The following COPS5 variants were observed in gnomAD, a reference collection of about 807,000 sequenced individuals.
COPS5 encodes the protein COP9 signalosome complex subunit 5.
COPS5 carries 8 observed loss-of-function variants against 44.4 expected under a neutral mutation model. The observed-to-expected ratio is 0.18, with a 90% CI of 0.11 to 0.32. The LOEUF is 0.32. Among genes scored for constraint, COPS5 ranks in the 10% least tolerant of loss-of-function variants. The pLI is 1.00. For missense variants in COPS5, 159 were observed against 406.4 expected, an observed-to-expected ratio of 0.39 and a Z score of 5.23; for synonymous variants, 122 against 142.8, an observed-to-expected ratio of 0.85 and a Z score of 1.04.
At chr8:67,045,735 CTGAATACTACTATTGTTTGCAAATTT>C in intron 7 of COPS5, 51 bp downstream of exon 7, 1 of 1,419,374 alleles carries the variant, frequency 7.0e-7, no homozygotes, top group Non-Finnish European at 9.8e-7. Flanking sequence ...CATAAGGAAT[CTGAATACTACTATTGTTTGCAAATTT>C]TGAAAGAAAA....
In COPS5 at chr8:67,056,648, AAAAAATATATATATATATATATAT is replaced by A. The variant is rs1329115463; in HGVS notation, c.574-68_574-45del. On this transcript the variant is annotated intron_variant, in intron 4 of 7. Coordinates refer to ENST00000357849, the MANE Select transcript of COPS5 (RefSeq NM_006837.3). Reference sequence around the variant, plus strand: ...AACAGAAGATTAAGAAAAAAAAAAAAAAAAATATATATATATATATATATATATATATATATATATATATATATA... The same window carrying A: ...AACAGAAGATTAAGAAAAAAAAAAAAATATATATATATATATATATATATA... 22 of 88,816 alleles carry A rather than the reference AAAAAATATATATATATATATATAT, an allele frequency of 2.5e-4. 1 individual carries two copies. The highest frequency in any genetic ancestry group is 7.4e-4 in the South Asian group (2 of 2,702). 5.5% of individuals were successfully genotyped at this position (88,816 alleles called of 1,614,324 possible). A position where few individuals can be genotyped will look rare whatever the true frequency, so the allele number is the denominator to read the frequency against.
intron 5 of COPS5, among the ~76,000 whole-genome samples, chr8:67,054,822 C>T (rs1255565445): frequency 6.6e-6 from 1 of 152,116 alleles, no homozygotes; most frequent in Admixed American, 6.5e-5. Flanking sequence ...TTCTATGTGG[C>T]ATGCCCTGTT....
At chr8:67,061,526 T>A in intron 1 of COPS5, 1 of 437,146 alleles carries the variant, frequency 2.3e-6, no homozygotes, top group Non-Finnish European at 4.3e-6. Flanking sequence ...TTGGGATTAG[T>A]TGAAGACCCA....
At chr8:67,059,546 C>A in intron 1 of COPS5, 101 bp from the exon 2 acceptor site, 1 of 834,050 alleles carries the variant, frequency 1.2e-6, no homozygotes, top group South Asian at 1.7e-5. Context: ...GAATTTAGAG[C>A]GATGGAAAGG....
At position 67,059,206 on chromosome 8, in the gene COPS5, T is replaced by C; in HGVS notation, c.378+5A>G. ...TTACTAAACTATAAGAAACAACATTTTTACCTGTTTTGCATTTTCTATGTA... is the reference window on the plus strand; with the variant it reads ...TTACTAAACTATAAGAAACAACATTCTTACCTGTTTTGCATTTTCTATGTA... On this transcript the variant is annotated splice_donor_5th_base_variant and intron_variant, in intron 2 of 7. Transcript: ENST00000357849. 6.2e-7 allele frequency: 1 copy of C among 1,608,990 alleles called. No individual in the cohort carries two copies. Among genetic ancestry groups the C allele is most frequent in the Non-Finnish European group, 8.5e-7 (1 of 1,175,514 alleles).
intron 6 of COPS5, among the ~76,000 whole-genome samples, chr8:67,048,483 G>A (rs1490498322): frequency 6.6e-6 from 1 of 151,502 alleles, no homozygotes; most frequent in Admixed American, 6.6e-5. Flanking sequence ...TTGGGAGGCT[G>A]AGGCGGGTGG....
intron 1 of COPS5, chr8:67,060,238 G>T: frequency 1.4e-6 from 1 of 713,012 alleles, no homozygotes; most frequent in Non-Finnish European, 1.8e-6. Context: ...TGCAGCCCAA[G>T]ACAGCTAGGA....
chr8:67,057,896 A>G (rs1804535299), intron 3 of COPS5, among the ~76,000 whole-genome samples, 187 bp downstream of exon 3: 1 of 152,222 alleles, frequency 6.6e-6, no homozygotes, highest in Non-Finnish European at 1.5e-5. Flanking sequence ...AGAGGGGAGA[A>G]GCAAGATACA....
intron 5 of COPS5, among the ~76,000 whole-genome samples, chr8:67,053,029 CAG>C: frequency 6.6e-6 from 1 of 151,920 alleles, no homozygotes. Context: ...TGAGAAGAGA[CAG>C]AGGTTCAGAC....
intron 6 of COPS5, among the ~76,000 whole-genome samples, chr8:67,047,253 C>A (rs1240783595): frequency 6.6e-6 from 1 of 152,198 alleles, no homozygotes; most frequent in African/African-American, 2.4e-5. Flanking sequence ...GCTGCCATCA[C>A]AGCTTACTAT....
At chr8:67,053,075 T>C (rs1804442859) in intron 5 of COPS5, among the ~76,000 whole-genome samples, 1 of 151,880 alleles carries the variant, frequency 6.6e-6, no homozygotes, top group African/African-American at 2.4e-5. Context: ...TAAAGACACA[T>C]AGGCACCCTT....
intron 7 of COPS5, chr8:67,044,522 TAAATGTTTA>T: frequency 6.6e-6 from 1 of 152,168 alleles, no homozygotes; most frequent in Non-Finnish European, 1.5e-5. Context: ...TACCAACATA[TAAATGTTTA>T]TAGAAGTCAA....
At position 67,061,855 on chromosome 8, in the gene COPS5, C is replaced by T. The variant is rs200023878; in HGVS notation, c.142G>A (p.Asp48Asn). The change falls in exon 1 of 8, where the codon GAT becomes AAT. Residue 48 changes from aspartate to asparagine, a missense_variant and splice_region_variant. Around this residue, in one of 2 missense-constraint regions of COPS5, gnomAD observed 134 missense variants for 376.7 expected, o/e 0.36. Transcript: ENST00000357849. ...EILAAKPWTK[D>N]HHYFKYCKIS... ...GCGTCTCGCCAGGGACCTCCTCACTCCTTAGTCCAGGGCTTCGCCGCCAGG... is the reference window on the plus strand; with the variant it reads ...GCGTCTCGCCAGGGACCTCCTCACTTCTTAGTCCAGGGCTTCGCCGCCAGG... The T allele has an allele frequency of 1.2e-5, 20 of 1,614,196 alleles. No homozygotes were observed. Among genetic ancestry groups the T allele is most frequent in the Non-Finnish European group, 1.4e-5 (17 of 1,180,028 alleles).
At chr8:67,050,645 C>A (rs1468245111) in intron 6 of COPS5, among the ~76,000 whole-genome samples, 2 of 133,038 alleles carry the variant, frequency 1.5e-5, no homozygotes, top group African/African-American at 3.4e-5. Flanking sequence ...GTGTGTGTAT[C>A]TTGACCTTCT....
chr8:67,057,291 G>C (rs1275542529), intron 4 of COPS5, 89 bp downstream of exon 4: 3 of 790,990 alleles, frequency 3.8e-6, no homozygotes, highest in Admixed American at 4.9e-5. Flanking sequence ...GAAGGCTGTA[G>C]TACACTATGA....
At chr8:67,043,477 C>A in intron 7 of COPS5, 160 bp from the exon 8 acceptor site, 1 of 512,252 alleles carries the variant, frequency 2.0e-6, no homozygotes, top group Non-Finnish European at 3.4e-6. Context: ...TTTTATTAGT[C>A]TTCCCCATGT....
chr8:67,050,253 G>A lies in COPS5; in HGVS notation c.771+977C>T, dbSNP rs546199063. On this transcript the variant is annotated intron_variant, in intron 6 of 7. Transcript: ENST00000357849. Reference sequence around the variant, plus strand: ...CCTGACCTCATGATCCGCCCGCCTCGGCCTCCCAAAGTGCTGGGATTACAG... The same window carrying A: ...CCTGACCTCATGATCCGCCCGCCTCAGCCTCCCAAAGTGCTGGGATTACAG... Among the ~76,000 whole-genome samples, 55 of 151,972 alleles carry A rather than the reference G, an allele frequency of 3.6e-4. 1 individual carries two copies. The South Asian group carries it at 0.01, about 29-fold the overall frequency.
At chr8:67,050,003 T>C (rs1023292913) in intron 6 of COPS5, among the ~76,000 whole-genome samples, 30 of 147,084 alleles carry the variant, frequency 2.0e-4, no homozygotes, top group South Asian at 2.1e-4. Context: ...GATACTCTCT[T>C]TTTTTTTTTT....
Position 67,061,249 on chromosome 8 carries a change from G to C in COPS5, c.143+605C>G, listed in dbSNP as rs76824090. 622 of 305,488 alleles carry C rather than the reference G, an allele frequency of 2.0e-3. 13 individuals carry two copies. The East Asian group carries it at 0.05, about 25-fold the overall frequency. The allele number at this position is 305,488 out of a possible 1,614,324, so 18.9% of individuals were successfully genotyped here. A position where few individuals can be genotyped will look rare whatever the true frequency, so the allele number is the denominator to read the frequency against. On this transcript the variant is annotated intron_variant, in intron 1 of 7. Coordinates refer to ENST00000357849, the MANE Select transcript of COPS5 (RefSeq NM_006837.3). ...TGGGAACTGGTGGAGTAACATTTTA[G>C]AGACCAGGTAGTAGAGCCTCCGTGT...
Sources: allele counts gnomAD v4.1 joint callset (sites outside exome capture counted in the v4.1 genomes callset), GRCh38; gene constraint gnomAD v4.1.1; regional missense constraint gnomAD v4.1.1; transcripts MANE v1.5; gene names NCBI Gene and HGNC (gene_info 2026-07-23, HGNC 2026-07-21).